NTPCR: variants seen among roughly 807,000 people sequenced by gnomAD.
NTPCR encodes the protein nucleoside-triphosphatase, cancer-related, also known as cancer-related nucleoside-triphosphatase.
In NTPCR, 15 loss-of-function variants were observed where a neutral mutation model predicts 19.5. That is an observed-to-expected ratio of 0.77 (90% CI 0.51 to 1.18). NTPCR has a LOEUF of 1.18. Ranked by LOEUF, NTPCR falls within the 50% of genes most tolerant of loss-of-function variation. The pLI is 0.00. For missense variants in NTPCR, 206 were observed against 240.4 expected, an observed-to-expected ratio of 0.86 and a Z score of 0.95; for synonymous variants, 90 against 95.8, an observed-to-expected ratio of 0.94 and a Z score of 0.36.
intron 4 of NTPCR, among the ~76,000 whole-genome samples, 158 bp from the exon 5 acceptor site, chr1:232,978,005 T>G (rs1669189089): frequency 1.3e-5 from 2 of 152,232 alleles, no homozygotes; most frequent in Admixed American, 1.3e-4. Context: ...CCTGTCCTGT[T>G]TCTGAGTGCT....
chr1:232,977,603 A>G (rs1669159663), intron 4 of NTPCR: 1 of 152,404 alleles, frequency 6.6e-6, no homozygotes. Flanking sequence ...TGCAGTCAGG[A>G]GGCCTGAGTA....
intron 1 of NTPCR, chr1:232,951,239 A>G (rs1368049844): frequency 6.6e-6 from 1 of 152,610 alleles, no homozygotes; most frequent in Non-Finnish European, 1.5e-5. Context: ...TTTCCCATCT[A>G]AGTTCATCCC....
At chr1:232,969,053 G>C (rs548923923) in intron 3 of NTPCR, 42 of 152,386 alleles carry the variant, frequency 2.8e-4, no homozygotes, top group African/African-American at 9.9e-4. Context: ...CAGGAATCCA[G>C]GTACAGCTTA....
At chr1:232,976,489 G>A in intron 4 of NTPCR, 5 of 1,544,850 alleles carry the variant, frequency 3.2e-6, no homozygotes, top group Non-Finnish European at 4.4e-6. Flanking sequence ...GCCCACCTCT[G>A]TGTCGCCTCC....
chr1:232,976,470 C>G (rs1669127263), intron 4 of NTPCR: 1 of 1,549,756 alleles, frequency 6.5e-7, no homozygotes, highest in Admixed American at 2.0e-5. Flanking sequence ...AGAAAAGGGC[C>G]CCTGTGGTGC....
intron 3 of NTPCR, chr1:232,968,828 A>G (rs1668894917): frequency 6.6e-6 from 1 of 152,250 alleles, no homozygotes; most frequent in Non-Finnish European, 1.5e-5. Flanking sequence ...AAACATATAT[A>G]AGGTGTATTT....
At chr1:232,970,670 C>T (rs6671461) in intron 4 of NTPCR, among the ~76,000 whole-genome samples, 1 of 151,962 alleles carries the variant, frequency 6.6e-6, no homozygotes. Flanking sequence ...AGCCACATCT[C>T]GCTATTTATG....
chr1:232,977,774 C>T (rs1007185586), intron 4 of NTPCR, among the ~76,000 whole-genome samples: 3 of 152,170 alleles, frequency 2.0e-5, no homozygotes, highest in Non-Finnish European at 4.4e-5. Flanking sequence ...GCCCCGCTGG[C>T]TCCCAGGCTC....
chr1:232,956,680 C>T (rs1236459812), intron 3 of NTPCR, among the ~76,000 whole-genome samples: 1 of 152,134 alleles, frequency 6.6e-6, no homozygotes, highest in Non-Finnish European at 1.5e-5. Flanking sequence ...TCTTGATGCC[C>T]AGGTACCAAC....
intron 3 of NTPCR, among the ~76,000 whole-genome samples, chr1:232,958,700 G>A (rs1558127425): frequency 6.6e-6 from 1 of 152,156 alleles, no homozygotes; most frequent in Non-Finnish European, 1.5e-5. Flanking sequence ...TGTGTTTTGC[G>A]GGAGCAGAGA....
At chr1:232,952,677 T>G (rs74914065) in intron 1 of NTPCR, among the ~76,000 whole-genome samples, 1 of 77,294 alleles carries the variant, frequency 1.3e-5, no homozygotes, top group Non-Finnish European at 2.9e-5. Context: ...TGCCCTCTAA[T>G]TTTTTTTTTT....
chr1:232,962,516 C>A (rs1668694164), intron 3 of NTPCR: 1 of 152,108 alleles, frequency 6.6e-6, no homozygotes, highest in Non-Finnish European at 1.5e-5. Context: ...TTGATAGCTA[C>A]CCTCAATGCT....
Position 232,956,431 on chromosome 1 carries a change from C to T in NTPCR, c.282C>T (p.Pro94=), listed in dbSNP as rs779738504. 24 of 1,610,104 alleles carry T rather than the reference C, an allele frequency of 1.5e-5. No individual in the cohort carries two copies. Among genetic ancestry groups the T allele is most frequent in the Non-Finnish European group, 1.7e-5 (20 of 1,176,402 alleles). ...DLTSFEQLAL[P]VLRNADCSSG... ...CTTCTTTTGAGCAGTTGGCACTACC[C>T]GTCTTGAGGAATGTGAGTACGTGAT... Residue 94 remains proline, a synonymous_variant, in exon 3 of 5, where the codon CCC becomes CCT. Coordinates refer to ENST00000366628, the MANE Select transcript of NTPCR (RefSeq NM_032324.3).
At position 232,978,451 on chromosome 1, in the gene NTPCR, G is replaced by C. The variant is rs539340447; in HGVS notation, c.*220G>C. On this transcript the variant is annotated 3_prime_UTR_variant, in exon 5 of 5. Transcript: ENST00000366628. ...TAACTATCCATTGTGGCTTATCTAT[G>C]CTTAAAGATTTCTTGTTTATTTCCT... The C allele has an allele frequency of 2.4e-5, 11 of 455,614 alleles. No individual in the cohort carries two copies. Among genetic ancestry groups the C allele is most frequent in the African/African-American group, 2.0e-4 (10 of 50,438 alleles). 28.2% of individuals were successfully genotyped at this position (455,614 alleles called of 1,614,324 possible).
Position 232,952,395 on chromosome 1 carries a change from A to C in NTPCR, c.34+1651A>C, listed in dbSNP as rs182933732. Among the ~76,000 whole-genome samples, 94 of 148,994 alleles carry C rather than the reference A, an allele frequency of 6.3e-4. 1 individual carries two copies. In the East Asian group the frequency reaches 0.012, roughly 19 times the overall value. ...CGGGTATTTTTTTTTTTTTGTAGAGACCTGTCTCTTGTTATGTTGCCCAGG... is the reference window on the plus strand; with the variant it reads ...CGGGTATTTTTTTTTTTTTGTAGAGCCCTGTCTCTTGTTATGTTGCCCAGG... On this transcript the variant is annotated intron_variant, in intron 1 of 4. Coordinates refer to ENST00000366628, the MANE Select transcript of NTPCR (RefSeq NM_032324.3).
intron 3 of NTPCR, 51 bp from the exon 4 acceptor site, chr1:232,969,858 C>G (rs775750468): frequency 7.4e-6 from 11 of 1,490,756 alleles, no homozygotes; most frequent in Non-Finnish European, 9.4e-6. Flanking sequence ...CCCATGGGCC[C>G]TTTGATTAAT....
At chr1:232,951,028 TC>T in intron 1 of NTPCR, 1 of 444,456 alleles carries the variant, frequency 2.2e-6, no homozygotes. Context: ...CAGCGGTAAC[TC>T]CTACTGTAGT....
chr1:232,951,246 T>TC (rs143778287), intron 1 of NTPCR: 1 of 152,330 alleles, frequency 6.6e-6, no homozygotes, highest in Non-Finnish European at 1.5e-5. Context: ...TCTAAGTTCA[T>TC]CCCCCCACCC....
At chr1:232,952,069 T>G (rs1427734679) in intron 1 of NTPCR, among the ~76,000 whole-genome samples, 2 of 152,090 alleles carry the variant, frequency 1.3e-5, no homozygotes, top group Non-Finnish European at 2.9e-5. Flanking sequence ...AAACCTGTCC[T>G]CAAACCCACG....
Sources: gnomAD v4.1 joint callset for allele counts (sites outside exome capture counted in the v4.1 genomes callset) on GRCh38, gnomAD v4.1.1 for gene constraint, MANE v1.5 for transcripts, NCBI Gene and HGNC (gene_info 2026-07-23, HGNC 2026-07-21) for gene names.